The following TRIM2 variants were observed in gnomAD, a reference collection of about 807,000 sequenced individuals.
TRIM2 encodes tripartite motif containing 2, also known as tripartite motif-containing protein 2.
A neutral mutation model predicts 75.2 loss-of-function variants in TRIM2; 20 were observed. The ratio of observed to expected loss-of-function variants is 0.27; its 90% confidence interval spans 0.19 to 0.39. The LOEUF (loss-of-function observed/expected upper bound fraction) is 0.39. TRIM2 is among the 10% of genes least tolerant of loss of function. TRIM2 has a pLI of 1.00. For synonymous variants in TRIM2, 373 were observed against 388.3 expected (o/e 0.96, Z 0.46); for missense variants, 660 against 990.8 (o/e 0.67, Z 4.48).
At position 153,318,635 on chromosome 4, in the gene TRIM2, A is replaced by G. The variant is rs142439446; in HGVS notation, c.1782+2636A>G. Among the ~76,000 whole-genome samples, 193 of 152,328 alleles carry G rather than the reference A, an allele frequency of 1.3e-3. 3 individuals carry two copies. The South Asian group carries it at 0.034, about 27-fold the overall frequency. ...TCTTGAATATCTTGAAAATGTTTAT[A>G]TAGTTTGGAGGCAACCCATTTGTTT... On this transcript the variant is annotated intron_variant, in intron 8 of 11. Coordinates refer to ENST00000338700, the MANE Select transcript of TRIM2 (RefSeq NM_015271.5).
intron 1 of TRIM2, among the ~76,000 whole-genome samples, chr4:153,192,486 A>G (rs1334772604): frequency 6.6e-6 from 1 of 151,696 alleles, no homozygotes; most frequent in Non-Finnish European, 1.5e-5. Flanking sequence ...GGGCGCCAGT[A>G]GTCCCAGTTA....
At chr4:153,180,725 G>A (rs1192005131) in intron 1 of TRIM2, among the ~76,000 whole-genome samples, 1 of 152,168 alleles carries the variant, frequency 6.6e-6, no homozygotes, top group Non-Finnish European at 1.5e-5. Flanking sequence ...TGATCTGCCC[G>A]CCTCAGCCTC....
chr4:153,308,672 T>G (rs1765557869), intron 6 of TRIM2: 3 of 574,984 alleles, frequency 5.2e-6, no homozygotes, highest in South Asian at 4.1e-5. Flanking sequence ...TCAAATTTGG[T>G]GTAGGCTTTG....
At chr4:153,225,909 C>T (rs1443252405) in intron 1 of TRIM2, among the ~76,000 whole-genome samples, 1 of 152,136 alleles carries the variant, frequency 6.6e-6, no homozygotes, top group East Asian at 1.9e-4. Flanking sequence ...GAGACTTTGT[C>T]ACCCAAACTT....
chr4:153,308,151 C>G (rs1765440085), intron 6 of TRIM2: 1 of 1,212,312 alleles, frequency 8.2e-7, no homozygotes. Context: ...AGTTCCTTTC[C>G]TCTTCACCCC....
chr4:153,186,079 G>A (rs944460661), intron 1 of TRIM2, among the ~76,000 whole-genome samples: 8 of 152,104 alleles, frequency 5.3e-5, no homozygotes, highest in Admixed American at 1.3e-4. Context: ...TACTGGTATC[G>A]AGTGGGTAGA....
chr4:153,313,528 T>G (rs1766818856), intron 6 of TRIM2, among the ~76,000 whole-genome samples: 1 of 151,984 alleles, frequency 6.6e-6, no homozygotes, highest in African/African-American at 2.4e-5. Flanking sequence ...TCCCAAACAG[T>G]GCTTAAGCAG....
chr4:153,324,268 T>C (rs1769651710), intron 10 of TRIM2, 120 bp downstream of exon 10: 1 of 758,748 alleles, frequency 1.3e-6, no homozygotes, highest in Non-Finnish European at 2.0e-6. Context: ...CAGAGTAGAC[T>C]TTGTTCTGCT....
At chr4:153,267,523 G>C (rs1289610314) in intron 1 of TRIM2, among the ~76,000 whole-genome samples, 2 of 152,110 alleles carry the variant, frequency 1.3e-5, no homozygotes, top group Non-Finnish European at 2.9e-5. Flanking sequence ...GTGGTGGCGG[G>C]CCCCTGTAGT....
chr4:153,206,269 C>G (rs1195484941), intron 1 of TRIM2, among the ~76,000 whole-genome samples: 1 of 152,212 alleles, frequency 6.6e-6, no homozygotes, highest in African/African-American at 2.4e-5. Flanking sequence ...TTCTGACTAG[C>G]TGGCTATCCA....
chr4:153,231,361 T>G (rs770510115), intron 1 of TRIM2, among the ~76,000 whole-genome samples: 2 of 152,110 alleles, frequency 1.3e-5, no homozygotes, highest in Admixed American at 6.5e-5. Context: ...CACAATAAGG[T>G]AATAAATCAA....
chr4:153,178,319 A>T (rs1731688682), intron 1 of TRIM2, among the ~76,000 whole-genome samples: 1 of 152,102 alleles, frequency 6.6e-6, no homozygotes, highest in Non-Finnish European at 1.5e-5. Flanking sequence ...CCCCACGCCG[A>T]ACTCTGTGGA....
chr4:153,200,714 A>AAG (rs1319593562), upstream of TRIM2, among the ~76,000 whole-genome samples: 1 of 107,722 alleles, frequency 9.3e-6, no homozygotes, highest in Non-Finnish European at 1.8e-5. Context: ...CCTTTTTAGT[A>AAG]AGAAAAAAAA....
chr4:153,339,140 G>C lies in TRIM2; in HGVS notation c.*4174G>C. The C allele has an allele frequency of 1.0e-6, 1 of 985,824 alleles. No individual in the cohort carries two copies. Among genetic ancestry groups the C allele is most frequent in the Non-Finnish European group, 1.2e-6 (1 of 829,924 alleles). 61.1% of individuals were successfully genotyped at this position (985,824 alleles called of 1,614,324 possible). A position where few individuals can be genotyped will look rare whatever the true frequency, so the allele number is the denominator to read the frequency against. On this transcript the variant is annotated 3_prime_UTR_variant, in exon 12 of 12. Coordinates refer to ENST00000338700, the MANE Select transcript of TRIM2 (RefSeq NM_015271.5). ...CTATTTAAAGAAAAGAATGAACGCT[G>C]TGCATCAAAGTGTTTGTATGTTCGT... is the stretch of plus-strand genomic sequence containing the variant.
chr4:153,265,104 G>A (rs766090119), intron 1 of TRIM2, among the ~76,000 whole-genome samples: 11 of 150,956 alleles, frequency 7.3e-5, no homozygotes, highest in African/African-American at 1.2e-4. Context: ...TTTAGTCAAC[G>A]TATATCATTT....
intron 11 of TRIM2, among the ~76,000 whole-genome samples, chr4:153,334,140 T>TA (rs551774460): frequency 1.3e-5 from 2 of 151,930 alleles, no homozygotes; most frequent in Non-Finnish European, 2.9e-5. Context: ...ACATGAACAA[T>TA]AAGCTTCATT....
At chr4:153,290,237 GA>G (rs1461384225) in intron 3 of TRIM2, among the ~76,000 whole-genome samples, 3 of 152,126 alleles carry the variant, frequency 2.0e-5, no homozygotes, top group African/African-American at 7.2e-5. Context: ...TGAAAAACAG[GA>G]AACTTCTTGG....
chr4:153,283,422 A>G (rs1306019696), intron 3 of TRIM2, among the ~76,000 whole-genome samples: 5 of 152,196 alleles, frequency 3.3e-5, no homozygotes. Flanking sequence ...TCCATTATAT[A>G]GATATACCAC....
intron 6 of TRIM2, among the ~76,000 whole-genome samples, chr4:153,304,657 C>G (rs1262849276): frequency 6.6e-6 from 1 of 152,026 alleles, no homozygotes; most frequent in Non-Finnish European, 1.5e-5. Context: ...AACCTGTGTT[C>G]CTCAAAGTGT....
Sources: gnomAD v4.1 joint callset for allele counts (sites outside exome capture counted in the v4.1 genomes callset) on GRCh38, gnomAD v4.1.1 for gene constraint, MANE v1.5 for transcripts, NCBI Gene and HGNC (gene_info 2026-07-23, HGNC 2026-07-21) for gene names.